MEF2C: variants seen among roughly 807,000 people sequenced by gnomAD.
MEF2C encodes the protein myocyte-specific enhancer factor 2C.
MEF2C carries 6 observed loss-of-function variants against 50.5 expected under a neutral mutation model. The ratio of observed to expected loss-of-function variants is 0.12; its 90% CI spans 0.07 to 0.23. MEF2C has a LOEUF of 0.23. Among genes scored for constraint, MEF2C ranks in the 10% least tolerant of loss-of-function variants. The probability of loss-of-function intolerance (pLI) is 1.00; values close to 1 mark genes in which losing one functional copy is unlikely to be tolerated. For missense variants in MEF2C, 276 were observed against 605.0 expected, an observed-to-expected ratio of 0.46 and a Z score of 5.70; for synonymous variants, 183 against 228.0, an observed-to-expected ratio of 0.80 and a Z score of 1.78.
chr5:88,850,151 G>A (rs1820803634), intron 1 of MEF2C, among the ~76,000 whole-genome samples: 1 of 139,446 alleles, frequency 7.2e-6, no homozygotes, highest in Non-Finnish European at 1.5e-5. Context: ...TGCTTTTATT[G>A]TTCAACTTCC....
In MEF2C at chr5:88,862,732, C is replaced by T. The variant is rs74928830; in HGVS notation, c.-143+20223G>A. ...GTTGCAGGGGAGGACCCGGATCAGG[C>T]CATCCTTCCTTTCAGCTGTGTCTAG... is the stretch of plus-strand genomic sequence containing the variant. On this transcript the variant is annotated intron_variant, in intron 1 of 10. Transcript: ENST00000504921. 2.6e-5 allele frequency among the ~76,000 whole-genome samples: 4 copies of T among 152,282 alleles called. No individual in the cohort carries two copies. In the East Asian group the frequency reaches 7.7e-4, roughly 29 times the overall value.
At chr5:88,861,066 A>G (rs1461332735) in intron 1 of MEF2C, among the ~76,000 whole-genome samples, 6 of 152,242 alleles carry the variant, frequency 3.9e-5, no homozygotes. Flanking sequence ...GCAGGATTCT[A>G]TAGAAAATTT....
intron 10 of MEF2C, among the ~76,000 whole-genome samples, chr5:88,727,663 T>C (rs1372012876): frequency 3.9e-5 from 6 of 152,186 alleles, no homozygotes; most frequent in Admixed American, 3.9e-4. Context: ...TAAAAGCTTG[T>C]TATCTTTAAA....
At chr5:88,898,980 T>A (rs1365422816) in intron 1 of MEF2C, among the ~76,000 whole-genome samples, 1 of 152,210 alleles carries the variant, frequency 6.6e-6, no homozygotes. Flanking sequence ...ATTATCATGC[T>A]GGCTTACAGC....
intron 2 of MEF2C, among the ~76,000 whole-genome samples, chr5:88,821,985 T>G (rs969039285): frequency 2.6e-5 from 4 of 151,904 alleles, no homozygotes; most frequent in African/African-American, 9.7e-5. Flanking sequence ...CTGATTTTGA[T>G]CACTGCACAT....
intron 3 of MEF2C, among the ~76,000 whole-genome samples, chr5:88,764,282 A>C (rs1296715576): frequency 6.6e-6 from 1 of 152,182 alleles, no homozygotes; most frequent in Non-Finnish European, 1.5e-5. Flanking sequence ...TTAACCCATT[A>C]TCTCTCACAA....
intron 3 of MEF2C, among the ~76,000 whole-genome samples, chr5:88,788,178 G>GTTTATTTATTTATTTATTTA (rs70996495): frequency 2.8e-4 from 25 of 89,204 alleles, no homozygotes; most frequent in Middle Eastern, 4.8e-3. Context: ...TTGTTTGTTT[G>GTTTATTTATTTATTTATTTA]TTTATTTATT....
intron 6 of MEF2C, chr5:88,740,018 T>G (rs1216385843): frequency 8.1e-6 from 8 of 985,334 alleles, no homozygotes; most frequent in Non-Finnish European, 9.6e-6. Flanking sequence ...CCTCAGTGCA[T>G]TTTGTGGTAT....
chr5:88,876,999 G>A (rs1831269778), intron 1 of MEF2C, among the ~76,000 whole-genome samples: 1 of 151,960 alleles, frequency 6.6e-6, no homozygotes, highest in South Asian at 2.1e-4. Flanking sequence ...AACAAGTTTT[G>A]GGTACTTAAT....
At chr5:88,857,854 C>T (rs969714906) in intron 1 of MEF2C, among the ~76,000 whole-genome samples, 7 of 152,068 alleles carry the variant, frequency 4.6e-5, no homozygotes, top group Admixed American at 2.0e-4. Context: ...TTCATAGCAG[C>T]GTAAGAACAA....
In MEF2C at chr5:88,785,312, ACACACACG is replaced by A. The variant is rs1790342966; in HGVS notation, c.258+19278_258+19285del. The stretch of plus-strand genomic sequence containing the variant: ...CACACACACACACACACACACACAC[ACACACACG>A]TATTTTTTTATGACTTACTCAGAAT... On this transcript the variant is annotated intron_variant, in intron 3 of 10. Coordinates refer to ENST00000504921, the MANE Select transcript of MEF2C (RefSeq NM_002397.5). The A allele has an allele frequency of 2.2e-5, 3 of 138,960 alleles. No homozygotes were observed. The South Asian group carries it at 7.1e-4, about 33-fold the overall frequency. 8.6% of individuals were successfully genotyped at this position (138,960 alleles called of 1,614,324 possible).
At chr5:88,845,686 C>T (rs1819062847) in intron 1 of MEF2C, among the ~76,000 whole-genome samples, 1 of 152,166 alleles carries the variant, frequency 6.6e-6, no homozygotes, top group Non-Finnish European at 1.5e-5. Context: ...TAAAAATACA[C>T]ATTTTTATCT....
chr5:88,877,994 G>A (rs1831615689), intron 1 of MEF2C: 1 of 151,974 alleles, frequency 6.6e-6, no homozygotes, highest in Non-Finnish European at 1.5e-5. Context: ...TGTGGGAAAG[G>A]TCCACCCCTT....
chr5:88,900,847 T>G, intron 1 of MEF2C, among the ~76,000 whole-genome samples: 1 of 152,006 alleles, frequency 6.6e-6, no homozygotes, highest in Non-Finnish European at 1.5e-5. Context: ...GTCACCACCT[T>G]GGTGACCTTT....
intron 2 of MEF2C, among the ~76,000 whole-genome samples, chr5:88,813,228 T>C (rs1303036101): frequency 4.6e-5 from 7 of 152,038 alleles, no homozygotes; most frequent in Non-Finnish European, 8.8e-5. Context: ...TTTATTTTAA[T>C]TTCAGAAAAT....
intron 1 of MEF2C, among the ~76,000 whole-genome samples, chr5:88,849,299 A>G (rs1353639826): frequency 1.3e-5 from 2 of 152,198 alleles, no homozygotes; most frequent in Non-Finnish European, 2.9e-5. Flanking sequence ...TAAAATTCAC[A>G]TATCTAAGAG....
chr5:88,882,889 T>C (rs1230399994), intron 1 of MEF2C, 66 bp downstream of exon 1: 2 of 152,028 alleles, frequency 1.3e-5, no homozygotes, highest in Admixed American at 6.5e-5. Context: ...GTGGAATATA[T>C]TGATGCAGAT....
intron 6 of MEF2C, among the ~76,000 whole-genome samples, chr5:88,745,872 G>C (rs1419970618): frequency 6.6e-6 from 1 of 152,186 alleles, no homozygotes; most frequent in South Asian, 2.1e-4. Context: ...TCTTCCTTGT[G>C]CAATTACTTA....
chr5:88,758,123 A>G (rs1776203415), intron 4 of MEF2C, among the ~76,000 whole-genome samples: 1 of 151,338 alleles, frequency 6.6e-6, no homozygotes, highest in African/African-American at 2.4e-5. Flanking sequence ...TCCTCCAAGC[A>G]CTTCTCCTCT....
Sources: gnomAD v4.1 joint callset for allele counts (sites outside exome capture counted in the v4.1 genomes callset) on GRCh38, gnomAD v4.1.1 for gene constraint, MANE v1.5 for transcripts, NCBI Gene and HGNC (gene_info 2026-07-23, HGNC 2026-07-21) for gene names.